CNTNAP2: variants seen among roughly 807,000 people sequenced by gnomAD.
The protein encoded by CNTNAP2 is contactin-associated protein-like 2.
Under a neutral mutation model 155.2 loss-of-function variants are expected in CNTNAP2, and 98 were observed. The ratio of observed to expected loss-of-function variants is 0.63; its 90% confidence interval spans 0.54 to 0.75. The LOEUF (loss-of-function observed/expected upper bound fraction) is 0.75, where lower values mean the gene tolerates loss of function less well. Among genes scored for constraint, CNTNAP2 ranks in the 30% least tolerant of loss-of-function variants. CNTNAP2 has a pLI of 0.00. For synonymous variants in CNTNAP2, 651 were observed against 631.2 expected, an observed-to-expected ratio of 1.03 and a Z score of -0.47; for missense variants, 1,727 against 1,688.1, an observed-to-expected ratio of 1.02 and a Z score of -0.40.
chr7:147,823,692 C>T (rs371757982), intron 13 of CNTNAP2, among the ~76,000 whole-genome samples: 1 of 150,472 alleles, frequency 6.6e-6, no homozygotes, highest in South Asian at 2.1e-4. Context: ...CTGCAAAAAT[C>T]AATACCAATT....
chr7:148,154,707 C>T (rs1472645045), intron 17 of CNTNAP2, among the ~76,000 whole-genome samples: 3 of 152,090 alleles, frequency 2.0e-5, no homozygotes, highest in East Asian at 1.9e-4. Context: ...AATGCTAAGG[C>T]GGGCAGATCA....
At chr7:146,873,149 C>A (rs895048386) in intron 3 of CNTNAP2, among the ~76,000 whole-genome samples, 7 of 152,150 alleles carry the variant, frequency 4.6e-5, no homozygotes, top group African/African-American at 1.7e-4. Context: ...TAGACCACTG[C>A]ATTCTTATAT....
At chr7:146,462,029 A>C (rs1162131837) in intron 1 of CNTNAP2, among the ~76,000 whole-genome samples, 1 of 152,174 alleles carries the variant, frequency 6.6e-6, no homozygotes, top group Non-Finnish European at 1.5e-5. Context: ...ATTTTTTCTT[A>C]GAGTTTTTCA....
At chr7:146,788,190 A>T (rs926179971) in intron 2 of CNTNAP2, among the ~76,000 whole-genome samples, 1 of 152,192 alleles carries the variant, frequency 6.6e-6, no homozygotes, top group East Asian at 1.9e-4. Flanking sequence ...GCCCACCTGG[A>T]ACCCGTGTGG....
chr7:146,770,706 G>A (rs1802280311), intron 1 of CNTNAP2, among the ~76,000 whole-genome samples: 1 of 151,822 alleles, frequency 6.6e-6, no homozygotes, highest in Admixed American at 6.6e-5. Flanking sequence ...AGTAAAAAAT[G>A]TAAAATTTGG....
chr7:147,773,774 A>C (rs1797512852), intron 13 of CNTNAP2, among the ~76,000 whole-genome samples: 1 of 152,106 alleles, frequency 6.6e-6, no homozygotes, highest in Non-Finnish European at 1.5e-5. Context: ...CATTAGCCAG[A>C]TCTTGCCCCA....
chr7:148,158,643 T>C lies in CNTNAP2; in HGVS notation c.2773+10934T>C, dbSNP rs532848959. Among the ~76,000 whole-genome samples the C allele has an allele frequency of 1.6e-4, 25 of 152,288 alleles. No individual in the cohort carries two copies. In the South Asian group the frequency reaches 4.4e-3, roughly 27 times the overall value. On this transcript the variant is annotated intron_variant, in intron 17 of 23. Transcript: ENST00000361727. ...AACTATATTATATGGGTAGAAACTT[T>C]ACGGTGAACATTCTGAACCTAAGAA...
At chr7:147,079,918 T>C (rs987634502) in intron 4 of CNTNAP2, among the ~76,000 whole-genome samples, 5 of 151,510 alleles carry the variant, frequency 3.3e-5, no homozygotes, top group African/African-American at 7.3e-5. Flanking sequence ...TATCACTTCA[T>C]ACTGAGACTC....
chr7:147,506,510 C>T (rs1798909297), intron 11 of CNTNAP2, among the ~76,000 whole-genome samples: 1 of 152,216 alleles, frequency 6.6e-6, no homozygotes, highest in South Asian at 2.1e-4. Context: ...CTGCCTCGGC[C>T]TCCCAAAATG....
At chr7:148,293,608 A>G (rs1218716129) in intron 21 of CNTNAP2, among the ~76,000 whole-genome samples, 1 of 152,226 alleles carries the variant, frequency 6.6e-6, no homozygotes, top group Admixed American at 6.5e-5. Flanking sequence ...GAGGATTTCC[A>G]TCTAACATTT....
intron 14 of CNTNAP2, among the ~76,000 whole-genome samples, chr7:147,968,774 C>A (rs1689188571): frequency 6.6e-6 from 1 of 152,140 alleles, no homozygotes; most frequent in African/African-American, 2.4e-5. Flanking sequence ...CACCCTCCAC[C>A]ATTCACAGAG....
chr7:146,585,416 G>A (rs189529722), intron 1 of CNTNAP2, among the ~76,000 whole-genome samples: 19 of 152,082 alleles, frequency 1.2e-4, no homozygotes, highest in Middle Eastern at 3.4e-3. Context: ...TACCGCACCC[G>A]GCCTAAACCT....
At chr7:146,858,216 G>C (rs1024296662) in intron 3 of CNTNAP2, among the ~76,000 whole-genome samples, 43 of 152,164 alleles carry the variant, frequency 2.8e-4, no homozygotes, top group African/African-American at 9.9e-4. Context: ...AGTGTTCCTT[G>C]GAGAGAGTTG....
At chr7:146,693,900 G>A (rs879199468) in intron 1 of CNTNAP2, among the ~76,000 whole-genome samples, 2 of 147,338 alleles carry the variant, frequency 1.4e-5, no homozygotes, top group African/African-American at 2.5e-5. Flanking sequence ...CCCATCCCCC[G>A]ACCAGCCCCA....
chr7:146,698,580 T>C (rs1169707980), intron 1 of CNTNAP2, among the ~76,000 whole-genome samples: 2 of 152,160 alleles, frequency 1.3e-5, no homozygotes, highest in Non-Finnish European at 2.9e-5. Context: ...TGGAATATTA[T>C]GCCAGGAAGG....
chr7:147,632,209 A>G (rs1009295373), intron 12 of CNTNAP2, among the ~76,000 whole-genome samples: 1 of 152,234 alleles, frequency 6.6e-6, no homozygotes, highest in African/African-American at 2.4e-5. Flanking sequence ...CAAATGGACA[A>G]CAAACATATG....
At chr7:146,636,315 G>C (rs1034699940) in intron 1 of CNTNAP2, among the ~76,000 whole-genome samples, 1 of 152,010 alleles carries the variant, frequency 6.6e-6, no homozygotes, top group Non-Finnish European at 1.5e-5. Flanking sequence ...TGGCATGTAA[G>C]TTATATTTTA....
intron 1 of CNTNAP2, among the ~76,000 whole-genome samples, chr7:146,737,692 C>T (rs1237063478): frequency 1.3e-5 from 2 of 151,880 alleles, no homozygotes; most frequent in Non-Finnish European, 2.9e-5. Flanking sequence ...TACCTGTTGG[C>T]CATTTGTATG....
rs369160031 is a variant in CNTNAP2, at chr7:147,756,973, T to C, written c.2098+117667T>C. 1.3e-4 allele frequency among the ~76,000 whole-genome samples: 20 copies of C among 152,332 alleles called. No homozygotes were observed. In the East Asian group the frequency reaches 3.7e-3, roughly 28 times the overall value. On this transcript the variant is annotated intron_variant, in intron 13 of 23. Transcript: ENST00000361727. ...GGAGGGAGGAAGATGATTATTTAAA[T>C]AGTCAGATAGTTGTAGCATGAAAAC...
Sources: gnomAD v4.1 joint callset for allele counts (sites outside exome capture counted in the v4.1 genomes callset) on GRCh38, gnomAD v4.1.1 for gene constraint, MANE v1.5 for transcripts, NCBI Gene and HGNC (gene_info 2026-07-23, HGNC 2026-07-21) for gene names.